The following RASGEF1C variants were observed in gnomAD, a reference collection of about 807,000 sequenced individuals.
RASGEF1C encodes ras-GEF domain-containing family member 1C.
In RASGEF1C, 27 loss-of-function variants were observed where a neutral mutation model predicts 58.1. That is an observed-to-expected ratio of 0.46 (90% confidence interval 0.34 to 0.64). The LOEUF (loss-of-function observed/expected upper bound fraction) is 0.64, where lower values mean the gene tolerates loss of function less well. RASGEF1C is among the 30% of genes least tolerant of loss of function. The pLI, the probability that RASGEF1C is intolerant of heterozygous loss-of-function variation, is 0.01. For synonymous variants in RASGEF1C, 243 were observed against 246.3 expected, an observed-to-expected ratio of 0.99 and a Z score of 0.13; for missense variants, 502 against 605.1, an observed-to-expected ratio of 0.83 and a Z score of 1.79.
intron 4 of RASGEF1C, among the ~76,000 whole-genome samples, chr5:180,132,292 T>G (rs1229491399): frequency 6.6e-6 from 1 of 152,256 alleles, no homozygotes; most frequent in Non-Finnish European, 1.5e-5. Flanking sequence ...ATCTGCTGCG[T>G]GCATAGAGCC....
chr5:180,163,865 G>T (rs55808016), intron 1 of RASGEF1C, among the ~76,000 whole-genome samples: 1 of 151,992 alleles, frequency 6.6e-6, no homozygotes, highest in African/African-American at 2.4e-5. Flanking sequence ...TCTCTTCCTG[G>T]AGATTTCTTT....
intron 1 of RASGEF1C, among the ~76,000 whole-genome samples, chr5:180,173,627 G>A (rs1460637429): frequency 6.6e-6 from 1 of 152,198 alleles, no homozygotes; most frequent in Non-Finnish European, 1.5e-5. Context: ...TAAAACTGGT[G>A]CAGTTGGCCG....
At chr5:180,179,161 A>G (rs1767279508) in intron 1 of RASGEF1C, among the ~76,000 whole-genome samples, 1 of 152,076 alleles carries the variant, frequency 6.6e-6, no homozygotes, top group Non-Finnish European at 1.5e-5. Flanking sequence ...CATTCTGCGC[A>G]GATTGGGAGG....
intron 4 of RASGEF1C, among the ~76,000 whole-genome samples, chr5:180,130,114 A>C (rs956707518): frequency 1.1e-4 from 17 of 152,170 alleles, no homozygotes; most frequent in Non-Finnish European, 2.5e-4. Flanking sequence ...CAGACCTTGC[A>C]GCCCTGTGGA....
rs192952108 is a variant in RASGEF1C at position 180,204,471 on chromosome 5, T to C, written c.-7+4557A>G. On this transcript the variant is annotated intron_variant, in intron 1 of 13. Coordinates refer to ENST00000361132, the MANE Select transcript of RASGEF1C (RefSeq NM_175062.4). ...TACCTCAGCCTAGTCCCAGACCTGA[T>C]ATTGGGAAATCCATCACATGACTCA... Among the ~76,000 whole-genome samples, 1,426 of 152,340 alleles carry C rather than the reference T, an allele frequency of 9.4e-3. 10 individuals carry two copies. Among genetic ancestry groups the C allele is most frequent in the Non-Finnish European group, 0.014 (930 of 68,026 alleles).
At chr5:180,116,667 C>T (rs1766073231) in intron 10 of RASGEF1C, among the ~76,000 whole-genome samples, 1 of 152,260 alleles carries the variant, frequency 6.6e-6, no homozygotes, top group South Asian at 2.1e-4. Context: ...GTCTACCTGC[C>T]CCACAGCCCC....
At chr5:180,190,458 C>G (rs532968985) in intron 1 of RASGEF1C, among the ~76,000 whole-genome samples, 3,107 of 133,302 alleles carry the variant, frequency 0.023, 101 homozygotes, top group Non-Finnish European at 0.032. Context: ...CCACTGCACT[C>G]CAGACTGGGT....
At chr5:180,116,561 C>T (rs938358835) in intron 10 of RASGEF1C, among the ~76,000 whole-genome samples, 35 of 152,360 alleles carry the variant, frequency 2.3e-4, no homozygotes, top group African/African-American at 7.5e-4. Flanking sequence ...AAAGTCAATA[C>T]GCAGCTGTAA....
intron 7 of RASGEF1C, among the ~76,000 whole-genome samples, chr5:180,119,819 T>G (rs1439516458): frequency 6.6e-6 from 1 of 152,208 alleles, no homozygotes; most frequent in African/African-American, 2.4e-5. Flanking sequence ...GGCTTTCTCC[T>G]CTCACTGGGG....
chr5:180,186,444 G>A (rs972959074), intron 1 of RASGEF1C, among the ~76,000 whole-genome samples: 1 of 152,064 alleles, frequency 6.6e-6, no homozygotes, highest in Non-Finnish European at 1.5e-5. Flanking sequence ...GCATCCAGAA[G>A]AATAACATAC....
At position 180,137,843 on chromosome 5, in the gene RASGEF1C, C is replaced by T. The variant is rs1766510215; in HGVS notation, c.177+33G>A. On this transcript the variant is annotated intron_variant, in intron 2 of 13. Transcript: ENST00000361132. The surrounding 1 kb of genome is among the most constrained non-coding windows in gnomAD (Gnocchi z 4.1). ...GCCCCCCGTGCGTGGTGGAGGAGAG[C>T]CCACTCTCCTGCCCGCTGGGTGGAT... 2 of 1,605,142 alleles carry T rather than the reference C, an allele frequency of 1.2e-6. No homozygotes were observed. The highest frequency in any genetic ancestry group is 2.2e-5 in the East Asian group (1 of 44,662).
chr5:180,128,367 C>A (rs201059437), intron 5 of RASGEF1C, 43 bp downstream of exon 5: 613 of 1,551,000 alleles, frequency 4.0e-4, no homozygotes, highest in Non-Finnish European at 5.3e-4. Flanking sequence ...CTGTGTGTGT[C>A]CTGCTGAATC....
chr5:180,203,515 A>C (rs1756431079), intron 1 of RASGEF1C, among the ~76,000 whole-genome samples: 1 of 152,234 alleles, frequency 6.6e-6, no homozygotes, highest in South Asian at 2.1e-4. Context: ...TGAGTGGAGA[A>C]GCAAATCCTT....
At chr5:180,115,040 A>G (rs1162300300) in intron 10 of RASGEF1C, among the ~76,000 whole-genome samples, 5 of 151,300 alleles carry the variant, frequency 3.3e-5, no homozygotes, top group African/African-American at 1.2e-4. Flanking sequence ...TTTTGAGAGG[A>G]GTCTCACTCT....
intron 1 of RASGEF1C, among the ~76,000 whole-genome samples, chr5:180,191,429 T>C (rs377535092): frequency 6.6e-6 from 1 of 152,106 alleles, no homozygotes; most frequent in East Asian, 1.9e-4. Context: ...CGATCTCAGC[T>C]CACTGCAAGC....
rs1303352833 is a variant in RASGEF1C at position 180,128,552 on chromosome 5, A to G, written c.497T>C (p.Leu166Pro). 4 of 1,613,952 alleles carry G rather than the reference A, an allele frequency of 2.5e-6. No individual in the cohort carries two copies. Among genetic ancestry groups the G allele is most frequent in the East Asian group, 4.5e-5 (2 of 44,888 alleles). ...LQALHQKLAA[L>P]RQGPEGLVGA... ...CACCAGACCTTCTGGCCCCTGGCGC[A>G]GAGCCGCCAGCTTCTGGTGCAGAGC... is the stretch of plus-strand genomic sequence containing the variant. The change falls in exon 5 of 14, where the codon CTG becomes CCG. Residue 166 changes from leucine (L) to proline (P), a missense_variant. Transcript: ENST00000361132.
At chr5:180,176,791 C>T (rs1767235274) in intron 1 of RASGEF1C, among the ~76,000 whole-genome samples, 1 of 152,142 alleles carries the variant, frequency 6.6e-6, no homozygotes, top group Non-Finnish European at 1.5e-5. Context: ...CTCCTGACTT[C>T]ATGATCCGCC....
chr5:180,159,423 A>C (rs1344089055), intron 1 of RASGEF1C, among the ~76,000 whole-genome samples: 1 of 152,194 alleles, frequency 6.6e-6, no homozygotes, highest in Admixed American at 6.5e-5. Flanking sequence ...TACAGGCATG[A>C]GCCACCGTGC....
At chr5:180,157,177 G>A (rs548252393) in intron 1 of RASGEF1C, among the ~76,000 whole-genome samples, 15 of 152,360 alleles carry the variant, frequency 9.8e-5, no homozygotes, top group South Asian at 2.1e-4. Context: ...TTACCCAAAA[G>A]AGTTGAAAAT....
Sources: gnomAD v4.1 joint callset for allele counts (sites outside exome capture counted in the v4.1 genomes callset) on GRCh38, gnomAD v4.1.1 for gene constraint, Gnocchi (gnomAD v3.1) non-coding constraint, MANE v1.5 for transcripts, NCBI Gene and HGNC (gene_info 2026-07-23, HGNC 2026-07-21) for gene names.